The following CEMIP variants were observed in gnomAD, a reference collection of about 807,000 sequenced individuals.
CEMIP encodes the protein cell migration inducing hyaluronidase 1.
A neutral mutation model predicts 156.9 loss-of-function variants in CEMIP; 105 were observed. The ratio of observed to expected loss-of-function variants is 0.67; its 90% confidence interval spans 0.57 to 0.79. CEMIP has a LOEUF of 0.79. Among genes scored for constraint, CEMIP ranks in the 30% least tolerant of loss-of-function variants. The pLI is 0.00. For missense variants in CEMIP, 1,457 were observed against 1,769.4 expected (o/e 0.82, Z 3.17); for synonymous variants, 676 against 668.4 (o/e 1.01, Z -0.17).
In CEMIP at chr15:80,942,022, C is replaced by T. The variant is rs779635277; in HGVS notation, c.3581C>T (p.Pro1194Leu). The T allele has an allele frequency of 5.6e-6, 9 of 1,613,388 alleles. No individual in the cohort carries two copies. Among genetic ancestry groups the T allele is most frequent in the South Asian group, 3.3e-5 (3 of 90,984 alleles). The change falls in exon 26 of 30, where the codon CCG becomes CTG. Residue 1194 changes from proline (P) to leucine (L), a missense_variant. Physicochemically the swap from Pro to Leu is moderately conservative, Grantham distance 98. Transcript: ENST00000394685. ...KFTERAVVDV[P>L]MPKKLFGSQL... ...ACCGAGAGGGCTGTCGTAGACGTGC[C>T]GATGCCCAAGAAGCTCTTTGGTTCT...
At chr15:80,874,179 G>A (rs1898394524) in intron 3 of CEMIP, among the ~76,000 whole-genome samples, 1 of 152,246 alleles carries the variant, frequency 6.6e-6, no homozygotes, top group African/African-American at 2.4e-5. Flanking sequence ...AAATGAAGGG[G>A]TTGGACTAGA....
intron 1 of CEMIP, among the ~76,000 whole-genome samples, chr15:80,796,854 G>A (rs537853338): frequency 2.6e-4 from 40 of 152,296 alleles, no homozygotes; most frequent in African/African-American, 9.4e-4. Context: ...CAAAGAGTGG[G>A]CAGAAAAGTG....
intron 12 of CEMIP, chr15:80,900,960 G>C (rs1468548978): frequency 4.4e-6 from 2 of 455,652 alleles, no homozygotes; most frequent in Admixed American, 2.4e-5. Flanking sequence ...TTCCCTTAAG[G>C]CCTTTCTGAT....
intron 12 of CEMIP, chr15:80,897,273 AG>A (rs1216467283): frequency 1.1e-5 from 5 of 456,066 alleles, no homozygotes; most frequent in South Asian, 3.1e-5. Context: ...TATTTTGGAA[AG>A]AAACCCACAG....
At chr15:80,912,455 T>A (rs558004689) in intron 14 of CEMIP, among the ~76,000 whole-genome samples, 1 of 152,304 alleles carries the variant, frequency 6.6e-6, no homozygotes, top group Non-Finnish European at 1.5e-5. Context: ...TACAGCCTGG[T>A]CTTGGTGGCC....
Position 80,870,235 on chromosome 15 carries a change from G to C in CEMIP, c.-175-3303G>C, listed in dbSNP as rs543708379. On this transcript the variant is annotated intron_variant, in intron 1 of 29. Coordinates refer to ENST00000394685, the MANE Select transcript of CEMIP (RefSeq NM_001293298.2). ...CTAAAGCAAGAATCACCTCATGCAG[G>C]GTGGGTAGGGACGGGGATGGCTGTC... Among the ~76,000 whole-genome samples the C allele has an allele frequency of 3.3e-5, 5 of 152,182 alleles. No homozygotes were observed. In the East Asian group the frequency reaches 9.6e-4, roughly 29 times the overall value.
rs145446642 is a variant in CEMIP at position 80,840,842 on chromosome 15, G to C, written c.-175-32696G>C. ...GAACACCAGCAGGCTTTCTGGAGTG[G>C]ACTGAGCCTTGTGGTCAAGAAATAG... is the stretch of plus-strand genomic sequence containing the variant. On this transcript the variant is annotated intron_variant, in intron 1 of 29. Transcript: ENST00000394685. Among the ~76,000 whole-genome samples the C allele has an allele frequency of 1.8e-3, 272 of 152,356 alleles. No individual in the cohort carries two copies. The Middle Eastern group carries it at 0.027, about 15-fold the overall frequency.
At chr15:80,780,681 G>A (rs1895766823) in intron 1 of CEMIP, among the ~76,000 whole-genome samples, 1 of 152,228 alleles carries the variant, frequency 6.6e-6, no homozygotes, top group Non-Finnish European at 1.5e-5. Context: ...GGGACGGTGA[G>A]CCGGGGAGCG....
At chr15:80,945,614 A>G (rs1901520387) in intron 28 of CEMIP, among the ~76,000 whole-genome samples, 1 of 152,080 alleles carries the variant, frequency 6.6e-6, no homozygotes, top group Middle Eastern at 3.2e-3. Context: ...CTTATTTCAC[A>G]CAAGCCCTTC....
intron 1 of CEMIP, among the ~76,000 whole-genome samples, chr15:80,833,395 C>T (rs760713232): frequency 2.9e-4 from 44 of 152,108 alleles, no homozygotes; most frequent in Non-Finnish European, 4.4e-4. Flanking sequence ...TTCAGACTCA[C>T]TTTTCAGCTC....
chr15:80,844,948 G>C (rs774233773), intron 1 of CEMIP, among the ~76,000 whole-genome samples: 11 of 152,154 alleles, frequency 7.2e-5, no homozygotes, highest in Non-Finnish European at 1.2e-4. Context: ...TATTCTTTAA[G>C]TGTTAGAAGG....
chr15:80,833,465 T>C (rs1338626313), intron 1 of CEMIP, among the ~76,000 whole-genome samples: 1 of 152,174 alleles, frequency 6.6e-6, no homozygotes, highest in Non-Finnish European at 1.5e-5. Context: ...TACTCAGAAG[T>C]AAATTTTTTT....
intron 12 of CEMIP, among the ~76,000 whole-genome samples, chr15:80,905,101 G>C (rs564198864): frequency 1.3e-5 from 2 of 152,326 alleles, no homozygotes; most frequent in East Asian, 3.9e-4. Flanking sequence ...GTGGAGGAGA[G>C]AGCAGGACAG....
At chr15:80,916,426 A>T (rs1425855790) in intron 14 of CEMIP, among the ~76,000 whole-genome samples, 2 of 152,248 alleles carry the variant, frequency 1.3e-5, no homozygotes, top group Admixed American at 6.5e-5. Flanking sequence ...GCAGGAAGGA[A>T]GATATCCAGA....
At chr15:80,787,143 G>T (rs1216100898) in intron 1 of CEMIP, among the ~76,000 whole-genome samples, 1 of 152,210 alleles carries the variant, frequency 6.6e-6, no homozygotes, top group East Asian at 1.9e-4. Context: ...CCCTGAATGG[G>T]ATAACACCCG....
rs1596202618 is a variant in CEMIP, at chr15:80,932,683, T to C, written c.2794-562T>C. Among the ~76,000 whole-genome samples the C allele has an allele frequency of 6.6e-6, 1 of 152,186 alleles. No homozygotes were observed. The highest frequency in any genetic ancestry group is 6.5e-5 in the Admixed American group (1 of 15,276). ...GTTCCTGGCAGGCTGAGGGAAACGA[T>C]GTGAAACTGAAATGACTTAATGTCT... On this transcript the variant is annotated intron_variant, in intron 22 of 29. Coordinates refer to ENST00000394685, the MANE Select transcript of CEMIP (RefSeq NM_001293298.2). This position sits in a 1 kb window ranked among gnomAD's most constrained non-coding sequence, Gnocchi z 4.5.
chr15:80,832,322 C>CTGTGTGTGTGTGTG (rs58855328), intron 1 of CEMIP, among the ~76,000 whole-genome samples: 8,877 of 127,928 alleles, frequency 0.069, 587 homozygotes, highest in African/African-American at 0.09. Flanking sequence ...AAAATAAACT[C>CTGTGTGTGTGTGTG]TGTGTGTGTG....
chr15:80,894,874 G>C, intron 10 of CEMIP, 116 bp from the exon 11 acceptor site: 2 of 1,263,436 alleles, frequency 1.6e-6, no homozygotes, highest in Non-Finnish European at 2.3e-6. Context: ...GTTGTAAATA[G>C]TGTTGCAGCA....
chr15:80,849,412 G>A (rs987392142), intron 1 of CEMIP, among the ~76,000 whole-genome samples: 2 of 152,180 alleles, frequency 1.3e-5, no homozygotes, highest in African/African-American at 4.8e-5. Context: ...CCAGCCAGCT[G>A]GGAAATCTGC....
Sources: allele counts gnomAD v4.1 joint callset (sites outside exome capture counted in the v4.1 genomes callset), GRCh38; gene constraint gnomAD v4.1.1; non-coding constraint Gnocchi (gnomAD v3.1); transcripts MANE v1.5; gene names NCBI Gene and HGNC (gene_info 2026-07-23, HGNC 2026-07-21).